The following LRP12 variants were observed in gnomAD, a reference collection of about 807,000 sequenced individuals.
LRP12 encodes low-density lipoprotein receptor-related protein 12.
A neutral mutation model predicts 66.0 loss-of-function variants in LRP12; 14 were observed. That is an observed-to-expected ratio of 0.21 (90% CI 0.14 to 0.33). LRP12 has a LOEUF of 0.33. Among genes scored for constraint, LRP12 ranks in the 10% least tolerant of loss-of-function variants. The probability of loss-of-function intolerance (pLI) is 1.00; values close to 1 mark genes in which losing one functional copy is unlikely to be tolerated. For missense variants in LRP12, 889 were observed against 1,053.4 expected, an observed-to-expected ratio of 0.84 and a Z score of 2.16; for synonymous variants, 357 against 359.1, an observed-to-expected ratio of 0.99 and a Z score of 0.07.
At chr8:104,519,115 C>T (rs1202627029) in intron 2 of LRP12, among the ~76,000 whole-genome samples, 1 of 152,040 alleles carries the variant, frequency 6.6e-6, no homozygotes, top group Non-Finnish European at 1.5e-5. Flanking sequence ...TACTTTGATT[C>T]AAAAGTCCTC....
chr8:104,557,269 T>A (rs1811824863), intron 1 of LRP12, among the ~76,000 whole-genome samples: 1 of 152,168 alleles, frequency 6.6e-6, no homozygotes. Flanking sequence ...AACATAGTAC[T>A]GGAAGTCTTA....
intron 2 of LRP12, among the ~76,000 whole-genome samples, chr8:104,518,360 A>G (rs1811101177): frequency 6.6e-6 from 1 of 152,118 alleles, no homozygotes; most frequent in Non-Finnish European, 1.5e-5. Flanking sequence ...AAGGTCACAA[A>G]AAAGCTGTAA....
At chr8:104,496,037 A>C (rs1315044190) in intron 5 of LRP12, 1 of 152,152 alleles carries the variant, frequency 6.6e-6, no homozygotes, top group Non-Finnish European at 1.5e-5. Context: ...AAAGTTGTTA[A>C]ATCTATTATT....
chr8:104,552,941 G>A (rs1464190517), intron 1 of LRP12, among the ~76,000 whole-genome samples: 2 of 152,196 alleles, frequency 1.3e-5, no homozygotes, highest in Admixed American at 6.5e-5. Context: ...AGGGGGGAAC[G>A]TTTGCCCCTA....
intron 1 of LRP12, among the ~76,000 whole-genome samples, chr8:104,551,099 TA>T (rs1811718075): frequency 6.6e-6 from 1 of 152,194 alleles, no homozygotes; most frequent in Non-Finnish European, 1.5e-5. Context: ...TGTACTTATA[TA>T]TTTTGGATTC....
At chr8:104,537,142 G>A (rs1265245452) in intron 1 of LRP12, among the ~76,000 whole-genome samples, 1 of 151,180 alleles carries the variant, frequency 6.6e-6, no homozygotes, top group African/African-American at 2.4e-5. Flanking sequence ...AACAAATTAA[G>A]GTGAGTCCTA....
chr8:104,524,241 CAAA>C (rs57379814), intron 2 of LRP12, among the ~76,000 whole-genome samples: 4,820 of 96,894 alleles, frequency 0.05, 173 homozygotes, highest in African/African-American at 0.15. Context: ...GACCCTGTCT[CAAA>C]AAAAAAAAAA....
chr8:104,564,986 G>A (rs1172008155), intron 1 of LRP12, among the ~76,000 whole-genome samples: 1 of 151,314 alleles, frequency 6.6e-6, no homozygotes, highest in Non-Finnish European at 1.5e-5. Flanking sequence ...TAATTTAGAA[G>A]ACTAAACTGA....
At chr8:104,499,588 C>A in intron 3 of LRP12, 69 bp from the exon 4 acceptor site, 1 of 1,060,094 alleles carries the variant, frequency 9.4e-7, no homozygotes, top group Non-Finnish European at 1.4e-6. Flanking sequence ...TACAAAGTAA[C>A]TGAGGATATT....
intron 4 of LRP12, 105 bp downstream of exon 4, chr8:104,499,212 C>G (rs1298144447): frequency 1.5e-5 from 13 of 853,966 alleles, no homozygotes; most frequent in Non-Finnish European, 2.3e-5. Context: ...GCCTCAAGGG[C>G]CTACTCCTAA....
intron 1 of LRP12, among the ~76,000 whole-genome samples, chr8:104,572,863 T>C (rs1011121590): frequency 5.3e-5 from 8 of 152,140 alleles, no homozygotes; most frequent in African/African-American, 1.9e-4. Context: ...AATTTCTATT[T>C]ATCGTAGCTA....
intron 2 of LRP12, among the ~76,000 whole-genome samples, chr8:104,530,017 T>A (rs749229789): frequency 4.9e-4 from 74 of 152,354 alleles, no homozygotes; most frequent in Non-Finnish European, 8.5e-4. Context: ...TATTTTCTTT[T>A]AAGTCAATCA....
chr8:104,551,962 T>C (rs1811732192), intron 1 of LRP12, among the ~76,000 whole-genome samples: 1 of 152,194 alleles, frequency 6.6e-6, no homozygotes, highest in Admixed American at 6.5e-5. Flanking sequence ...AAACATCCTC[T>C]GCATAATTAA....
At chr8:104,560,278 G>A (rs1811883547) in intron 1 of LRP12, among the ~76,000 whole-genome samples, 1 of 152,038 alleles carries the variant, frequency 6.6e-6, no homozygotes, top group African/African-American at 2.4e-5. Flanking sequence ...CTGAAGAACA[G>A]AATCAAGTAT....
At position 104,556,134 on chromosome 8, in the gene LRP12, A is replaced by AAACC. The variant is rs556672312; in HGVS notation, c.80-24175_80-24172dup. 1.9e-4 allele frequency among the ~76,000 whole-genome samples: 29 copies of AAACC among 152,284 alleles called. No homozygotes were observed. In the South Asian group the frequency reaches 5.4e-3, roughly 28 times the overall value. ...GGCACAATAGTGACACAACCTATCAAAACCTCTGGAATACAGCAAAAGCAG... is the reference window on the plus strand; with the variant it reads ...GGCACAATAGTGACACAACCTATCAAAACCAACCTCTGGAATACAGCAAAAGCAG... On this transcript the variant is annotated intron_variant, in intron 1 of 6. Transcript: ENST00000276654.
At chr8:104,542,449 G>A (rs764026379) in intron 1 of LRP12, among the ~76,000 whole-genome samples, 6 of 152,152 alleles carry the variant, frequency 3.9e-5, no homozygotes, top group Non-Finnish European at 7.4e-5. Flanking sequence ...TCTATAAGCT[G>A]ACTTTTCAGT....
chr8:104,570,397 A>G (rs954312405), intron 1 of LRP12, among the ~76,000 whole-genome samples: 3 of 152,222 alleles, frequency 2.0e-5, no homozygotes, highest in Non-Finnish European at 4.4e-5. Flanking sequence ...AGCTACAGTA[A>G]TTAAGAAAGT....
intron 1 of LRP12, among the ~76,000 whole-genome samples, chr8:104,567,781 T>G (rs1199142950): frequency 6.6e-6 from 1 of 152,154 alleles, no homozygotes; most frequent in Non-Finnish European, 1.5e-5. Context: ...AAAATCTACA[T>G]GAATCAAAAG....
chr8:104,567,030 C>A (rs1812015174), intron 1 of LRP12, among the ~76,000 whole-genome samples: 1 of 150,172 alleles, frequency 6.7e-6, no homozygotes. Flanking sequence ...AATGACAGGA[C>A]AAAAAAAGTG....
Sources: gnomAD v4.1 joint callset for allele counts (sites outside exome capture counted in the v4.1 genomes callset) on GRCh38, gnomAD v4.1.1 for gene constraint, MANE v1.5 for transcripts, NCBI Gene and HGNC (gene_info 2026-07-23, HGNC 2026-07-21) for gene names.